Variants in RORA observed in about 807,000 individuals in gnomAD.
RORA encodes nuclear receptor ROR-alpha.
Under a neutral mutation model 69.5 loss-of-function variants are expected in RORA, and 7 were observed. The observed-to-expected ratio is 0.10, with a 90% CI of 0.06 to 0.19. The LOEUF (loss-of-function observed/expected upper bound fraction) is 0.19. Among genes scored for constraint, RORA ranks in the 10% least tolerant of loss-of-function variants. The pLI is 1.00. For synonymous variants in RORA, 261 were observed against 240.8 expected, an observed-to-expected ratio of 1.08 and a Z score of -0.78; for missense variants, 457 against 663.0, an observed-to-expected ratio of 0.69 and a Z score of 3.41.
At chr15:61,017,715 G>C (rs886719025) in intron 1 of RORA, among the ~76,000 whole-genome samples, 6 of 152,072 alleles carry the variant, frequency 3.9e-5, no homozygotes, top group African/African-American at 1.4e-4. Flanking sequence ...CCCCAAAAAG[G>C]CAAAACAAAG....
chr15:61,191,803 C>A (rs1021667197), intron 1 of RORA, among the ~76,000 whole-genome samples: 2 of 152,182 alleles, frequency 1.3e-5, no homozygotes, highest in South Asian at 2.1e-4. Flanking sequence ...TCCTCACATT[C>A]TGTAGTCTCG....
intron 1 of RORA, among the ~76,000 whole-genome samples, chr15:61,143,046 C>T (rs1210224623): frequency 3.3e-5 from 5 of 151,874 alleles, no homozygotes; most frequent in Admixed American, 6.6e-5. Context: ...TAGAAAGAGA[C>T]AAAATTATTA....
intron 1 of RORA, among the ~76,000 whole-genome samples, chr15:61,107,685 C>T (rs1357468478): frequency 6.6e-6 from 1 of 151,832 alleles, no homozygotes; most frequent in Non-Finnish European, 1.5e-5. Flanking sequence ...TGGTCATGGT[C>T]TCATTACCCT....
intron 1 of RORA, among the ~76,000 whole-genome samples, chr15:60,889,947 A>G (rs911572786): frequency 3.3e-5 from 5 of 152,238 alleles, no homozygotes; most frequent in African/African-American, 1.2e-4. Context: ...AGAATAAGAG[A>G]TTATTAAACA....
At chr15:61,166,481 G>GTAGT (rs1293425388) in intron 1 of RORA, among the ~76,000 whole-genome samples, 1 of 152,152 alleles carries the variant, frequency 6.6e-6, no homozygotes, top group African/African-American at 2.4e-5. Flanking sequence ...CAGGAGAGGA[G>GTAGT]TAGTTAATCT....
intron 1 of RORA, among the ~76,000 whole-genome samples, chr15:60,984,400 C>T (rs953799767): frequency 1.3e-5 from 2 of 151,050 alleles, no homozygotes; most frequent in African/African-American, 2.4e-5. Flanking sequence ...ACCAATAATG[C>T]TACTAATTAT....
At chr15:60,799,686 T>G (rs183203480) in intron 1 of RORA, among the ~76,000 whole-genome samples, 1 of 152,296 alleles carries the variant, frequency 6.6e-6, no homozygotes, top group East Asian at 1.9e-4. Context: ...CAAGATGCAC[T>G]GAAAAATCAA....
At chr15:61,170,414 A>G (rs981461837) in intron 1 of RORA, among the ~76,000 whole-genome samples, 1 of 151,876 alleles carries the variant, frequency 6.6e-6, no homozygotes, top group Non-Finnish European at 1.5e-5. Flanking sequence ...TTGTCATTAA[A>G]TCTCCTTCTT....
chr15:60,692,173 A>G (rs2070837140), intron 1 of RORA, among the ~76,000 whole-genome samples: 1 of 152,232 alleles, frequency 6.6e-6, no homozygotes, highest in African/African-American at 2.4e-5. Flanking sequence ...TTAAGCTGGG[A>G]TCAGTTGGAA....
At chr15:60,895,783 G>A (rs1486295729) in intron 1 of RORA, among the ~76,000 whole-genome samples, 2 of 152,158 alleles carry the variant, frequency 1.3e-5, no homozygotes, top group African/African-American at 2.4e-5. Flanking sequence ...CTAACAATTA[G>A]TATAAGCTAG....
At chr15:60,991,935 G>A (rs200798939) in intron 1 of RORA, among the ~76,000 whole-genome samples, 5 of 95,250 alleles carry the variant, frequency 5.2e-5, no homozygotes, top group Middle Eastern at 5.3e-3. Flanking sequence ...ATAAAATAAA[G>A]TAAAATAAAA....
chr15:61,074,181 G>A (rs1443730065), intron 1 of RORA, among the ~76,000 whole-genome samples: 1 of 152,164 alleles, frequency 6.6e-6, no homozygotes, highest in African/African-American at 2.4e-5. Flanking sequence ...ACTTCCCCTT[G>A]TGAACGCTTG....
chr15:60,922,605 C>T (rs1208528297), intron 1 of RORA, among the ~76,000 whole-genome samples: 2 of 152,200 alleles, frequency 1.3e-5, no homozygotes, highest in African/African-American at 4.8e-5. Context: ...AAGATCCAAA[C>T]AAGGTATACT....
intron 2 of RORA, among the ~76,000 whole-genome samples, chr15:60,663,762 G>A (rs1043364486): frequency 1.3e-5 from 2 of 152,158 alleles, no homozygotes; most frequent in Admixed American, 6.6e-5. Context: ...GCCACAATAT[G>A]AGAAATTTTA....
At chr15:61,083,416 A>G (rs1440584499) in intron 1 of RORA, among the ~76,000 whole-genome samples, 4 of 152,178 alleles carry the variant, frequency 2.6e-5, no homozygotes, top group African/African-American at 9.6e-5. Context: ...TCCTTCATAC[A>G]AAGCCATCTA....
chr15:60,606,346 T>C (rs1435013014), intron 2 of RORA, among the ~76,000 whole-genome samples: 1 of 152,214 alleles, frequency 6.6e-6, no homozygotes, highest in Non-Finnish European at 1.5e-5. Flanking sequence ...AATAATCCCA[T>C]AGGAAAGCTG....
intron 1 of RORA, among the ~76,000 whole-genome samples, chr15:60,839,794 G>A (rs1287247745): frequency 6.6e-6 from 1 of 152,194 alleles, no homozygotes; most frequent in Admixed American, 6.5e-5. Context: ...CCAGAAGCAT[G>A]GGAGGAAATA....
At chr15:60,760,340 G>A (rs2071868143) in intron 1 of RORA, among the ~76,000 whole-genome samples, 1 of 152,100 alleles carries the variant, frequency 6.6e-6, no homozygotes, top group South Asian at 2.1e-4. Context: ...CCGAAGAAAG[G>A]ATTCCCTTAG....
chr15:60,493,943 T>C lies in RORA; in HGVS notation c.*3512A>G, dbSNP rs1420487120. 3 of 120,218 alleles carry C rather than the reference T, an allele frequency of 2.5e-5. No homozygotes were observed. Among genetic ancestry groups the C allele is most frequent in the Non-Finnish European group, 1.7e-5 (1 of 58,424 alleles). 7.4% of individuals were successfully genotyped at this position (120,218 alleles called of 1,614,324 possible). A position where few individuals can be genotyped will look rare whatever the true frequency, so the allele number is the denominator to read the frequency against. ...GTCCGACGCACACACATCATACACA[T>C]GCAAATCACACACACACACACACAC... On this transcript the variant is annotated 3_prime_UTR_variant, in exon 11 of 11. Transcript: ENST00000335670.
Sources: allele counts gnomAD v4.1 joint callset (sites outside exome capture counted in the v4.1 genomes callset), GRCh38; gene constraint gnomAD v4.1.1; transcripts MANE v1.5; gene names NCBI Gene and HGNC (gene_info 2026-07-23, HGNC 2026-07-21).